Variants in DOCK4 observed in about 807,000 individuals in gnomAD.
The protein encoded by DOCK4 is dedicator of cytokinesis protein 4.
A neutral mutation model predicts 268.1 loss-of-function variants in DOCK4; 97 were observed. The ratio of observed to expected loss-of-function variants is 0.36; its 90% confidence interval spans 0.31 to 0.43. DOCK4 has a LOEUF of 0.43. Among genes scored for constraint, DOCK4 ranks in the 20% least tolerant of loss-of-function variants. The pLI, the probability that DOCK4 is intolerant of heterozygous loss-of-function variation, is 1.00. For missense variants in DOCK4, 2,145 were observed against 2,455.7 expected, an observed-to-expected ratio of 0.87 and a Z score of 2.67; for synonymous variants, 954 against 887.2, an observed-to-expected ratio of 1.08 and a Z score of -1.34.
chr7:111,890,161 G>A (rs913386210), intron 16 of DOCK4, among the ~76,000 whole-genome samples: 2 of 152,138 alleles, frequency 1.3e-5, no homozygotes, highest in South Asian at 4.1e-4. Flanking sequence ...CTCCTCAAGA[G>A]ATTTGACTTT....
intron 22 of DOCK4, 107 bp downstream of exon 22, chr7:111,867,877 G>A (rs1190068112): frequency 9.1e-7 from 1 of 1,100,996 alleles, no homozygotes; most frequent in Non-Finnish European, 1.2e-6. Flanking sequence ...ATATAAACTG[G>A]AGCAATTGAC....
chr7:112,090,607 G>A (rs141614258), intron 1 of DOCK4, among the ~76,000 whole-genome samples: 21 of 152,270 alleles, frequency 1.4e-4, no homozygotes, highest in African/African-American at 5.1e-4. Context: ...AATTGGTTAG[G>A]TTTTGAAAAG....
chr7:111,887,865 A>G (rs1045333648), intron 16 of DOCK4, among the ~76,000 whole-genome samples: 1 of 152,014 alleles, frequency 6.6e-6, no homozygotes, highest in East Asian at 1.9e-4. Context: ...AGGGTCCCAG[A>G]AGAGTCAGGA....
intron 8 of DOCK4, 74 bp from the exon 9 acceptor site, chr7:111,945,872 T>G: frequency 9.0e-7 from 1 of 1,111,916 alleles, no homozygotes; most frequent in South Asian, 1.4e-5. Context: ...TAACTACTCT[T>G]CATCACAACA....
intron 12 of DOCK4, among the ~76,000 whole-genome samples, chr7:111,924,399 G>A (rs1231952777): frequency 6.6e-6 from 1 of 152,054 alleles, no homozygotes; most frequent in Non-Finnish European, 1.5e-5. Flanking sequence ...ACCCTCTCCT[G>A]GTGAGATACC....
chr7:111,991,032 G>A (rs1258805394), intron 5 of DOCK4, among the ~76,000 whole-genome samples: 1 of 152,186 alleles, frequency 6.6e-6, no homozygotes, highest in African/African-American at 2.4e-5. Context: ...CAAATCTCAT[G>A]TAGCAAAGAA....
chr7:111,914,821 T>A (rs1792450108), intron 13 of DOCK4, among the ~76,000 whole-genome samples: 1 of 152,220 alleles, frequency 6.6e-6, no homozygotes, highest in Non-Finnish European at 1.5e-5. Context: ...TATTACAAAG[T>A]AAGTCCTATG....
At chr7:111,730,362 A>G (rs961911618) in intron 52 of DOCK4, among the ~76,000 whole-genome samples, 10 of 152,196 alleles carry the variant, frequency 6.6e-5, no homozygotes, top group Admixed American at 6.5e-4. Flanking sequence ...TCCCCCGCTT[A>G]TTACATAATG....
At chr7:111,786,630 C>A (rs1799188966) in intron 32 of DOCK4, among the ~76,000 whole-genome samples, 1 of 152,124 alleles carries the variant, frequency 6.6e-6, no homozygotes, top group African/African-American at 2.4e-5. Flanking sequence ...ATTTAGGAAG[C>A]AGTGAACTAC....
At chr7:111,739,015 G>T in intron 49 of DOCK4, 119 bp downstream of exon 49, 1 of 735,340 alleles carries the variant, frequency 1.4e-6, no homozygotes, top group Non-Finnish European at 2.3e-6. Flanking sequence ...TCACCAGCTG[G>T]ATTGGTCTGA....
chr7:112,027,255 C>T (rs1182414443), intron 1 of DOCK4, among the ~76,000 whole-genome samples: 3 of 152,050 alleles, frequency 2.0e-5, no homozygotes, highest in South Asian at 2.1e-4. Context: ...GAGAGAGTCT[C>T]GCTTTGTTGC....
At chr7:112,053,236 C>T (rs77534461) in intron 1 of DOCK4, among the ~76,000 whole-genome samples, 3,768 of 152,186 alleles carry the variant, frequency 0.025, 70 homozygotes, top group Non-Finnish European at 0.039. Context: ...TGTTTATATC[C>T]TACTCCTCAG....
intron 8 of DOCK4, among the ~76,000 whole-genome samples, chr7:111,963,154 A>G (rs990575058): frequency 8.5e-5 from 13 of 152,234 alleles, no homozygotes; most frequent in African/African-American, 2.9e-4. Context: ...CAACCAGTAA[A>G]CAGCTTTGTT....
At chr7:112,162,948 G>C (rs1178420594) in intron 1 of DOCK4, among the ~76,000 whole-genome samples, 1 of 152,136 alleles carries the variant, frequency 6.6e-6, no homozygotes. Context: ...AGATTTCTTT[G>C]TTCATTATAC....
chr7:112,096,340 T>A (rs565655502), intron 1 of DOCK4, among the ~76,000 whole-genome samples: 1 of 152,048 alleles, frequency 6.6e-6, no homozygotes, highest in Non-Finnish European at 1.5e-5. Flanking sequence ...CTAATTTTTT[T>A]ATTTTTTTAT....
chr7:112,206,297 C>G lies in DOCK4; in HGVS notation c.-159G>C. ...AGGATCTGCGCTGGAGGCTCCCGAG[C>G]CCAGCGTTGACACTGCGCCGCCCGC... On this transcript the variant is annotated 5_prime_UTR_variant, in exon 1 of 53. Transcript: ENST00000428084. The G allele has an allele frequency of 6.5e-6, 5 of 763,874 alleles. No homozygotes were observed. The South Asian group carries it at 9.1e-5, about 14-fold the overall frequency. 47.3% of individuals were successfully genotyped at this position (763,874 alleles called of 1,614,324 possible).
chr7:111,754,722 C>T (rs1052756674), intron 42 of DOCK4, among the ~76,000 whole-genome samples: 1 of 152,204 alleles, frequency 6.6e-6, no homozygotes, highest in Non-Finnish European at 1.5e-5. Context: ...CTGGATGTGG[C>T]TGCCTTCAGC....
chr7:112,080,362 C>T (rs1432170103), intron 1 of DOCK4, among the ~76,000 whole-genome samples: 2 of 152,006 alleles, frequency 1.3e-5, no homozygotes, highest in East Asian at 3.9e-4. Flanking sequence ...TTTAGCAACC[C>T]TATGTAAAAG....
chr7:111,827,196 T>C (rs773820740), intron 26 of DOCK4, among the ~76,000 whole-genome samples: 2 of 152,206 alleles, frequency 1.3e-5, no homozygotes, highest in African/African-American at 2.4e-5. Context: ...CATTATCACA[T>C]TGAAACTTAT....
Sources: allele counts gnomAD v4.1 joint callset (sites outside exome capture counted in the v4.1 genomes callset), GRCh38; gene constraint gnomAD v4.1.1; transcripts MANE v1.5; gene names NCBI Gene and HGNC (gene_info 2026-07-23, HGNC 2026-07-21).